Variants in TOPBP1 observed in about 807,000 individuals in gnomAD.
The protein encoded by TOPBP1 is DNA topoisomerase 2-binding protein 1.
TOPBP1 carries 28 observed loss-of-function variants against 167.7 expected under a neutral mutation model. That is an observed-to-expected ratio of 0.17 (90% CI 0.12 to 0.23). The LOEUF (loss-of-function observed/expected upper bound fraction) is 0.23, where lower values mean the gene tolerates loss of function less well. Ranked by LOEUF, TOPBP1 falls within the 10% of genes least tolerant of loss-of-function variation. The pLI, the probability that TOPBP1 is intolerant of heterozygous loss-of-function variation, is 1.00. For missense variants in TOPBP1, 1,554 were observed against 1,809.6 expected (o/e 0.86, Z 2.56); for synonymous variants, 598 against 611.4 (o/e 0.98, Z 0.32).
At chr3:133,602,662 T>C (rs992444864) in intron 27 of TOPBP1, among the ~76,000 whole-genome samples, 1 of 152,124 alleles carries the variant, frequency 6.6e-6, no homozygotes, top group Non-Finnish European at 1.5e-5. Context: ...CATTTTAGAT[T>C]TTGTGGGATA....
intron 23 of TOPBP1, among the ~76,000 whole-genome samples, chr3:133,615,503 A>G (rs549359580): frequency 6.6e-6 from 1 of 152,036 alleles, no homozygotes; most frequent in Non-Finnish European, 1.5e-5. Context: ...AACCCCACCA[A>G]TATTTCTTAA....
At chr3:133,656,534 T>A in intron 5 of TOPBP1, 142 bp downstream of exon 5, 2 of 752,496 alleles carry the variant, frequency 2.7e-6, no homozygotes, top group Non-Finnish European at 3.9e-6. Context: ...TTGTAGATTC[T>A]GCTCTTCCGT....
chr3:133,656,889 G>A (rs761651415), intron 4 of TOPBP1, 32 bp from the exon 5 acceptor site: 1 of 1,472,924 alleles, frequency 6.8e-7, no homozygotes, highest in Admixed American at 2.4e-5. Flanking sequence ...CATTAATGCT[G>A]AAGCAAACAA....
rs1290514606 is a variant in TOPBP1, at chr3:133,643,382, A to G, written c.1849-10T>C. On this transcript the variant is annotated splice_polypyrimidine_tract_variant and intron_variant, in intron 11 of 27. Coordinates refer to ENST00000260810, the MANE Select transcript of TOPBP1 (RefSeq NM_007027.4). Reference sequence around the variant, plus strand: ...AGTCTATGCAAGTAACCTTTTAAAAACAAAAGAAATAGTAAAGCCAACCTG... The same window carrying G: ...AGTCTATGCAAGTAACCTTTTAAAAGCAAAAGAAATAGTAAAGCCAACCTG... 6.4e-7 allele frequency: 1 copy of G among 1,559,838 alleles called. No individual in the cohort carries two copies. Among genetic ancestry groups the G allele is most frequent in the East Asian group, 2.3e-5 (1 of 42,944 alleles).
chr3:133,629,785 G>GTATA (rs966078833), intron 14 of TOPBP1, among the ~76,000 whole-genome samples: 9 of 150,398 alleles, frequency 6.0e-5, no homozygotes, highest in African/African-American at 1.5e-4. Flanking sequence ...GTGTGTGTGT[G>GTATA]TATATATATA....
Position 133,620,317 on chromosome 3 carries a change from T to C in TOPBP1, c.3209A>G (p.Asn1070Ser), listed in dbSNP as rs756468553. 5 of 1,613,946 alleles carry C rather than the reference T, an allele frequency of 3.1e-6. No homozygotes were observed. In the East Asian group the frequency reaches 1.1e-4, roughly 36 times the overall value. Residue 1070 changes from asparagine to serine, a missense_variant, in exon 20 of 28, where the codon AAC becomes AGC. Physicochemically the swap from Asn to Ser is conservative, Grantham distance 46. Coordinates refer to ENST00000260810, the MANE Select transcript of TOPBP1 (RefSeq NM_007027.4). ...TATCTCCTGTAACTGCTTCTGAAAG[T>C]TCTCTCTCATCTCTAAGGTCTGTGT... Reference protein sequence around the residue: ...VLTQTLEMRENFQKQLQEIMS... With the variant: ...VLTQTLEMRESFQKQLQEIMS...
chr3:133,618,130 A>T, intron 21 of TOPBP1, 83 bp downstream of exon 21: 1 of 1,203,502 alleles, frequency 8.3e-7, no homozygotes, highest in Non-Finnish European at 1.2e-6. Flanking sequence ...CAGATCAGAG[A>T]ACTACAACAT....
intron 2 of TOPBP1, among the ~76,000 whole-genome samples, 190 bp downstream of exon 2, chr3:133,660,854 C>A (rs1936680773): frequency 6.6e-6 from 1 of 151,974 alleles, no homozygotes; most frequent in African/African-American, 2.4e-5. Flanking sequence ...GACTTCCAGC[C>A]CCCCGAAATA....
intron 7 of TOPBP1, 114 bp downstream of exon 7, chr3:133,653,231 C>G (rs1409424246): frequency 7.8e-6 from 8 of 1,023,172 alleles, no homozygotes; most frequent in Non-Finnish European, 9.3e-6. Context: ...TGCCTAGAAG[C>G]ACAGCAAACA....
Position 133,649,797 on chromosome 3 carries a change from C to G in TOPBP1, c.1236G>C (p.Trp412Cys). The G allele has an allele frequency of 6.2e-7, 1 of 1,601,144 alleles. No individual in the cohort carries two copies. Among genetic ancestry groups the G allele is most frequent in the Non-Finnish European group, 8.5e-7 (1 of 1,176,852 alleles). Residue 412 changes from tryptophan to cysteine, a missense_variant, in exon 9 of 28, where the codon TGG (tryptophan) becomes TGC (cysteine). Trp to Cys is a radical substitution (Grantham distance 215). This residue lies in a region of TOPBP1 where 1,197 missense variants were observed against 1,351.5 expected (regional missense o/e 0.89). Coordinates refer to ENST00000260810, the MANE Select transcript of TOPBP1 (RefSeq NM_007027.4). ...AAAAAAACCTGTGGGCTGATTTATT[C>G]CAAAACTGCTTCAATTCATCATCAT... is the stretch of plus-strand genomic sequence containing the variant. Reference protein sequence around the residue: ...GDYDDELKQFWNKSAHRPHVV... With the variant: ...GDYDDELKQFCNKSAHRPHVV...
intron 16 of TOPBP1, among the ~76,000 whole-genome samples, 157 bp from the exon 17 acceptor site, chr3:133,624,332 T>A (rs1935198015): frequency 6.6e-6 from 1 of 152,182 alleles, no homozygotes; most frequent in Non-Finnish European, 1.5e-5. Flanking sequence ...AGCCAAGTGA[T>A]ACATGCCTAT....
At chr3:133,636,461 T>C (rs1330734091) in intron 14 of TOPBP1, among the ~76,000 whole-genome samples, 2 of 152,054 alleles carry the variant, frequency 1.3e-5, no homozygotes, top group African/African-American at 2.4e-5. Flanking sequence ...GATTATAAGA[T>C]GAAGCATTAT....
chr3:133,649,991 A>G lies in TOPBP1; in HGVS notation c.1090-48T>C, dbSNP rs373058832. ...TATACATAACATGCTTTCTCTCAAT[A>G]GAAAAAAACTAAAAATATATATCTA... On this transcript the variant is annotated intron_variant, in intron 8 of 27. Coordinates refer to ENST00000260810, the MANE Select transcript of TOPBP1 (RefSeq NM_007027.4). 11 of 1,420,604 alleles carry G rather than the reference A, an allele frequency of 7.7e-6. No individual in the cohort carries two copies. The African/African-American group carries it at 1.3e-4, about 17-fold the overall frequency. 88.0% of individuals were successfully genotyped at this position (1,420,604 alleles called of 1,614,324 possible). A position where few individuals can be genotyped will look rare whatever the true frequency, so the allele number is the denominator to read the frequency against.
At chr3:133,630,485 A>G (rs781139258) in intron 14 of TOPBP1, among the ~76,000 whole-genome samples, 3 of 151,958 alleles carry the variant, frequency 2.0e-5, no homozygotes, top group Non-Finnish European at 4.4e-5. Context: ...TTTCATAGAG[A>G]CAGGGTCTTG....
chr3:133,645,729 G>A (rs1485089155), intron 10 of TOPBP1, among the ~76,000 whole-genome samples: 1 of 152,140 alleles, frequency 6.6e-6, no homozygotes, highest in Non-Finnish European at 1.5e-5. Flanking sequence ...AAGTTATTAA[G>A]AGACTCATAA....
At position 133,622,206 on chromosome 3, in the gene TOPBP1, T is replaced by TTTTTTTA. The variant is rs1935115171; in HGVS notation, c.3178+884_3178+885insTAAAAAA. On this transcript the variant is annotated intron_variant, in intron 19 of 27. Transcript: ENST00000260810. ...TTATGTTTTTTTTTTTTTTTTTTTT[T>TTTTTTTA]GAGACAAGAGTTTTGCTCTTCTTGC... 2.7e-5 allele frequency among the ~76,000 whole-genome samples: 4 copies of TTTTTTTA among 149,538 alleles called. No homozygotes were observed. The East Asian group carries it at 5.8e-4, about 22-fold the overall frequency.
At position 133,623,383 on chromosome 3, in the gene TOPBP1, G is replaced by A; in HGVS notation, c.3003C>T (p.Ile1001=). 1 of 1,613,266 alleles carries A rather than the reference G, an allele frequency of 6.2e-7. No homozygotes were observed. Among genetic ancestry groups the A allele is most frequent in the Non-Finnish European group, 8.5e-7 (1 of 1,179,538 alleles). ...HTYNPKMSLD[I]SAVQDGRLCN... ...AGAGCCGGCCATCTTGCACTGCGCTGATATCCAAGCTCATTTTGGGATTAT... is the reference window on the plus strand; with the variant it reads ...AGAGCCGGCCATCTTGCACTGCGCTAATATCCAAGCTCATTTTGGGATTAT... Residue 1001 remains isoleucine, a synonymous_variant, in exon 18 of 28, where the codon ATC becomes ATT. Coordinates refer to ENST00000260810, the MANE Select transcript of TOPBP1 (RefSeq NM_007027.4).
intron 5 of TOPBP1, 135 bp downstream of exon 5, chr3:133,656,541 C>A: frequency 2.4e-6 from 2 of 832,850 alleles, no homozygotes; most frequent in Non-Finnish European, 3.5e-6. Flanking sequence ...TTCTGCTCTT[C>A]CGTTTTCGCT....
At chr3:133,609,305 G>A (rs758562167) in intron 25 of TOPBP1, among the ~76,000 whole-genome samples, 11 of 152,064 alleles carry the variant, frequency 7.2e-5, no homozygotes, top group Admixed American at 3.3e-4. Flanking sequence ...TGAAGCCTGC[G>A]TTTCACTTCT....
Sources: allele counts gnomAD v4.1 joint callset (sites outside exome capture counted in the v4.1 genomes callset), GRCh38; gene constraint gnomAD v4.1.1; regional missense constraint gnomAD v4.1.1; transcripts MANE v1.5; gene names NCBI Gene and HGNC (gene_info 2026-07-23, HGNC 2026-07-21).